CTNNA2: variants seen among roughly 807,000 people sequenced by gnomAD.
CTNNA2 encodes catenin alpha 2.
In CTNNA2, 42 loss-of-function variants were observed where a neutral mutation model predicts 101.0. That is an observed-to-expected ratio of 0.42 (90% confidence interval 0.32 to 0.54). CTNNA2 has a LOEUF of 0.54. Ranked by LOEUF, CTNNA2 falls within the 20% of genes least tolerant of loss-of-function variation. CTNNA2 has a pLI of 0.14. For missense variants in CTNNA2, 871 were observed against 1,223.1 expected (o/e 0.71, Z 4.29); for synonymous variants, 450 against 456.4 (o/e 0.99, Z 0.18).
intron 1 of CTNNA2, among the ~76,000 whole-genome samples, chr2:79,196,913 T>A (rs1325631762): frequency 6.6e-6 from 1 of 152,190 alleles, no homozygotes; most frequent in Non-Finnish European, 1.5e-5. Context: ...TCTCTCATGG[T>A]TCTGATTTAT....
chr2:79,193,063 AT>A, intron 1 of CTNNA2, among the ~76,000 whole-genome samples: 1 of 152,262 alleles, frequency 6.6e-6, no homozygotes, highest in Admixed American at 6.5e-5. Flanking sequence ...CCCTAGCAAC[AT>A]TTAGTACTGC....
At chr2:80,227,037 G>A (rs982806354) in intron 7 of CTNNA2, among the ~76,000 whole-genome samples, 6 of 152,158 alleles carry the variant, frequency 3.9e-5, no homozygotes, top group Non-Finnish European at 8.8e-5. Flanking sequence ...AAATTCATTC[G>A]CAGGATTGCA....
At chr2:79,424,411 C>T (rs559201301) in intron 4 of CTNNA2, among the ~76,000 whole-genome samples, 2 of 152,152 alleles carry the variant, frequency 1.3e-5, no homozygotes, top group South Asian at 4.1e-4. Context: ...CAGTACATAG[C>T]AGAGCAGGAT....
At position 79,499,260 on chromosome 2, in the gene CTNNA2, C is replaced by T. The variant is rs574947463; in HGVS notation, c.-134-5794C>T. The stretch of plus-strand genomic sequence containing the variant: ...CACAATAGCTGCAAGTAACAGAAAA[C>T]CAGGTCAGAGTATCTTAAACAATAA... On this transcript the variant is annotated intron_variant, in intron 4 of 21. Transcript: ENST00000466387. 2.6e-5 allele frequency: 4 copies of T among 152,156 alleles called. No individual in the cohort carries two copies. The South Asian group carries it at 8.3e-4, about 32-fold the overall frequency. 9.4% of individuals were successfully genotyped at this position (152,156 alleles called of 1,614,324 possible).
intron 9 of CTNNA2, among the ~76,000 whole-genome samples, chr2:80,510,432 A>G (rs779687571): frequency 3.5e-4 from 53 of 152,136 alleles, no homozygotes; most frequent in Non-Finnish European, 6.0e-4. Context: ...TGCACCTTGT[A>G]TTCCACCCTT....
At chr2:79,189,557 G>A (rs151332911) in intron 1 of CTNNA2, among the ~76,000 whole-genome samples, 44 of 152,294 alleles carry the variant, frequency 2.9e-4, no homozygotes, top group African/African-American at 9.6e-4. Flanking sequence ...TAATATTGCT[G>A]CAAGAGGGGA....
chr2:80,122,870 G>A (rs532017842), intron 7 of CTNNA2, among the ~76,000 whole-genome samples: 2 of 152,264 alleles, frequency 1.3e-5, no homozygotes, highest in Non-Finnish European at 2.9e-5. Context: ...GAATATTTCT[G>A]TTAGTTTCCT....
intron 7 of CTNNA2, among the ~76,000 whole-genome samples, chr2:80,102,473 A>C (rs921750953): frequency 2.0e-5 from 3 of 152,150 alleles, no homozygotes; most frequent in Non-Finnish European, 4.4e-5. Flanking sequence ...ATTTCTCAGC[A>C]ATCCAACCTG....
chr2:80,225,492 G>A (rs1172537393), intron 7 of CTNNA2, among the ~76,000 whole-genome samples: 1 of 152,142 alleles, frequency 6.6e-6, no homozygotes, highest in Non-Finnish European at 1.5e-5. Flanking sequence ...TTTATGGTAA[G>A]TGGTTTAAGA....
chr2:79,328,883 C>T (rs1177657424), intron 3 of CTNNA2, among the ~76,000 whole-genome samples: 2 of 152,144 alleles, frequency 1.3e-5, no homozygotes, highest in African/African-American at 4.8e-5. Context: ...ATGTTTCTGA[C>T]CCTTGCCTTT....
intron 7 of CTNNA2, among the ~76,000 whole-genome samples, chr2:80,020,842 T>G (rs1694503895): frequency 6.6e-6 from 1 of 151,992 alleles, no homozygotes; most frequent in Non-Finnish European, 1.5e-5. Context: ...GAACACAAAG[T>G]TTTCCTTAGT....
At chr2:79,728,951 C>T (rs549324657) in intron 2 of CTNNA2, among the ~76,000 whole-genome samples, 1 of 152,158 alleles carries the variant, frequency 6.6e-6, no homozygotes, top group African/African-American at 2.4e-5. Context: ...TGTTTTGGTA[C>T]CAGTACCATG....
intron 3 of CTNNA2, among the ~76,000 whole-genome samples, chr2:79,777,543 T>C (rs1238938907): frequency 6.6e-6 from 1 of 152,100 alleles, no homozygotes; most frequent in East Asian, 1.9e-4. Context: ...GGTGGAGTGC[T>C]CCCAAGGCCC....
intron 11 of CTNNA2, among the ~76,000 whole-genome samples, chr2:80,551,252 C>T (rs569440388): frequency 1.2e-4 from 18 of 152,256 alleles, no homozygotes; most frequent in African/African-American, 1.7e-4. Context: ...CTTCAGTCTT[C>T]GTTGTTCCAT....
chr2:80,637,273 A>C, intron 18 of CTNNA2, among the ~76,000 whole-genome samples: 1 of 152,190 alleles, frequency 6.6e-6, no homozygotes. Flanking sequence ...TATCTCATTT[A>C]ATGCTTTATA....
At chr2:80,547,428 A>G (rs2149636321) in intron 11 of CTNNA2, among the ~76,000 whole-genome samples, 1 of 152,244 alleles carries the variant, frequency 6.6e-6, no homozygotes, top group South Asian at 2.1e-4. Context: ...TAAAATCCAG[A>G]TCATCCTCTT....
chr2:80,115,244 G>A (rs567364482), intron 7 of CTNNA2, among the ~76,000 whole-genome samples: 1 of 152,136 alleles, frequency 6.6e-6, no homozygotes, highest in Non-Finnish European at 1.5e-5. Context: ...GCCTTCATTG[G>A]CCTAAGAATC....
At chr2:79,728,390 T>C (rs1379094469) in intron 2 of CTNNA2, among the ~76,000 whole-genome samples, 1 of 152,236 alleles carries the variant, frequency 6.6e-6, no homozygotes, top group Non-Finnish European at 1.5e-5. Context: ...TTGAGAAGTG[T>C]CTGTTGATAT....
chr2:79,408,744 G>C (rs1467934194), intron 4 of CTNNA2, among the ~76,000 whole-genome samples: 1 of 151,990 alleles, frequency 6.6e-6, no homozygotes, highest in Non-Finnish European at 1.5e-5. Flanking sequence ...ATTGTGAATA[G>C]TGCCGCAATA....
Sources: gnomAD v4.1 joint callset for allele counts (sites outside exome capture counted in the v4.1 genomes callset) on GRCh38, gnomAD v4.1.1 for gene constraint, MANE v1.5 for transcripts, NCBI Gene and HGNC (gene_info 2026-07-23, HGNC 2026-07-21) for gene names.